The following BET1 variants were observed in gnomAD, a reference collection of about 807,000 sequenced individuals.
BET1 encodes Bet1 golgi vesicular membrane trafficking protein, also known as BET1 homolog.
In BET1, 9 loss-of-function variants were observed where a neutral mutation model predicts 13.9. The observed-to-expected ratio is 0.65, with a 90% CI of 0.39 to 1.13. The LOEUF is 1.13. Ranked by LOEUF, BET1 falls within the 50% of genes most tolerant of loss-of-function variation. BET1 has a pLI of 0.01. For missense variants in BET1, 127 were observed against 133.6 expected, an observed-to-expected ratio of 0.95 and a Z score of 0.24; for synonymous variants, 39 against 47.3, an observed-to-expected ratio of 0.82 and a Z score of 0.72.
chr7:93,998,699 C>CA lies in BET1; in HGVS notation c.144+470dup, dbSNP rs568287153. Among the ~76,000 whole-genome samples the CA allele has an allele frequency of 8.1e-3, 1,150 of 142,810 alleles. 15 individuals carry two copies. The highest frequency in any genetic ancestry group is 0.027 in the African/African-American group (1,028 of 38,676). The allele number at this position is 142,810 out of a possible 152,430, so 93.7% of individuals were successfully genotyped here. A position where few individuals can be genotyped will look rare whatever the true frequency, so the allele number is the denominator to read the frequency against. ...GGGCAACAAGAGCAAAACTCCATCT[C>CA]AAAAAAAAAGAAAAGAAAAGAAAAC... On this transcript the variant is annotated intron_variant, in intron 2 of 3. Coordinates refer to ENST00000222547, the MANE Select transcript of BET1 (RefSeq NM_005868.6).
At chr7:93,991,823 ATTAT>A, downstream of BET1, 4 of 962,076 alleles carry the variant, frequency 4.2e-6, no homozygotes, top group Non-Finnish European at 4.9e-6. Context: ...GAATGATGAC[ATTAT>A]TTATTATTTA....
intron 6 of BET1, among the ~76,000 whole-genome samples, chr7:93,971,422 T>G (rs1795256611): frequency 6.6e-6 from 1 of 151,772 alleles, no homozygotes; most frequent in African/African-American, 2.4e-5. Flanking sequence ...CCTTAAAATT[T>G]GAGGACAATT....
At chr7:93,992,905 G>GT, downstream of BET1, 1 of 985,348 alleles carries the variant, frequency 1.0e-6, no homozygotes, top group South Asian at 4.7e-5. Context: ...AGGCTTATCT[G>GT]TTTAAGTCCC....
At chr7:93,977,319 G>A (rs977260608) in intron 4 of BET1, among the ~76,000 whole-genome samples, 3 of 152,174 alleles carry the variant, frequency 2.0e-5, no homozygotes, top group Admixed American at 6.5e-5. Flanking sequence ...AGAATTAGCA[G>A]GGCATGGGGC....
At chr7:93,982,920 T>C (rs1357870763) in intron 4 of BET1, among the ~76,000 whole-genome samples, 1 of 152,134 alleles carries the variant, frequency 6.6e-6, no homozygotes, top group Non-Finnish European at 1.5e-5. Flanking sequence ...GTATGTACAT[T>C]TCTCATAATA....
At position 93,993,560 on chromosome 7, in the gene BET1, A is replaced by G. The variant is rs1795686590; in HGVS notation, c.*670T>C. 1 of 1,043,596 alleles carries G rather than the reference A, an allele frequency of 9.6e-7. No individual in the cohort carries two copies. The highest frequency in any genetic ancestry group is 4.5e-5 in the South Asian group (1 of 22,076). 64.6% of individuals were successfully genotyped at this position (1,043,596 alleles called of 1,614,324 possible). A position where few individuals can be genotyped will look rare whatever the true frequency, so the allele number is the denominator to read the frequency against. ...AACTATTATAAGCCAAGTCAAGAGAATTCATAAAGTTAATATGAAATAATA... is the reference window on the plus strand; with the variant it reads ...AACTATTATAAGCCAAGTCAAGAGAGTTCATAAAGTTAATATGAAATAATA... On this transcript the variant is annotated 3_prime_UTR_variant, in exon 4 of 4. Coordinates refer to ENST00000222547, the MANE Select transcript of BET1 (RefSeq NM_005868.6).
At chr7:93,992,187 G>C, downstream of BET1, 1 of 985,318 alleles carries the variant, frequency 1.0e-6, no homozygotes, top group Non-Finnish European at 1.2e-6. Context: ...ACTTTAAATA[G>C]TACTTAGAAA....
At chr7:93,989,917 G>C (rs1371262853), downstream of BET1, among the ~76,000 whole-genome samples, 1 of 152,136 alleles carries the variant, frequency 6.6e-6, no homozygotes, top group East Asian at 1.9e-4. Context: ...TCAGAAGTTT[G>C]TCTTTCAAGC....
chr7:93,970,877 T>C (rs1407633012), intron 6 of BET1, among the ~76,000 whole-genome samples: 1 of 151,794 alleles, frequency 6.6e-6, no homozygotes, highest in Non-Finnish European at 1.5e-5. Flanking sequence ...CTGGAAGATG[T>C]AGCTAGATGG....
At chr7:93,999,757 C>T in intron 1 of BET1, 1 of 453,368 alleles carries the variant, frequency 2.2e-6, no homozygotes, top group Non-Finnish European at 4.4e-6. Context: ...ATCTCTTTCT[C>T]TTAAATAGAC....
At chr7:93,996,465 T>C (rs1015811087) in intron 2 of BET1, 144 bp from the exon 3 acceptor site, 1 of 548,774 alleles carries the variant, frequency 1.8e-6, no homozygotes, top group South Asian at 3.4e-5. Flanking sequence ...CTGATACTTT[T>C]TCTACCAAGA....
intron 4 of BET1, among the ~76,000 whole-genome samples, chr7:93,982,213 AATATAGAT>A: frequency 6.6e-6 from 1 of 152,274 alleles, no homozygotes; most frequent in East Asian, 1.9e-4. Flanking sequence ...CACTGCTTGA[AATATAGAT>A]ATATAGATCA....
intron 4 of BET1, among the ~76,000 whole-genome samples, chr7:93,984,170 A>C (rs965332558): frequency 6.6e-6 from 1 of 152,066 alleles, no homozygotes; most frequent in Admixed American, 6.6e-5. Context: ...GCTTGTAGGC[A>C]TATTGCTCAA....
chr7:93,999,036 A>C (rs535421335), intron 2 of BET1, 134 bp downstream of exon 2: 2 of 599,588 alleles, frequency 3.3e-6, no homozygotes, highest in African/African-American at 3.9e-5. Flanking sequence ...TTTTGAGTGT[A>C]CTTTGACCTC....
chr7:93,965,463 TTTAA>T (rs1198797282), exon 7 of BET1: 3 of 152,096 alleles, frequency 2.0e-5, no homozygotes, highest in African/African-American at 4.8e-5. Flanking sequence ...TCTATACAAT[TTTAA>T]TTAATCTATT....
intron 4 of BET1, among the ~76,000 whole-genome samples, chr7:93,977,482 A>T (rs1174140422): frequency 2.6e-5 from 4 of 152,168 alleles, no homozygotes; most frequent in African/African-American, 7.2e-5. Flanking sequence ...GAGAAAAAAT[A>T]AAAAATTGGT....
Position 93,999,261 on chromosome 7 carries a change from T to C in BET1, c.53A>G (p.Tyr18Cys), listed in dbSNP as rs781321258. Reference protein sequence around the residue: ...EGVPPGNYGNYGYANSGYSAC... With the variant: ...EGVPPGNYGNCGYANSGYSAC... ...ACTATACCCACTATTAGCATAGCCA[T>C]AGTTCCCATAGTTGCCAGGAGGTAC... The change falls in exon 2 of 4, where the codon TAT (tyrosine) becomes TGT (cysteine). Residue 18 changes from tyrosine (Y) to cysteine (C), a missense_variant. Coordinates refer to ENST00000222547, the MANE Select transcript of BET1 (RefSeq NM_005868.6). The C allele has an allele frequency of 5.0e-6, 8 of 1,612,622 alleles. No individual in the cohort carries two copies. The highest frequency in any genetic ancestry group is 6.8e-6 in the Non-Finnish European group (8 of 1,179,312).
intron 4 of BET1, among the ~76,000 whole-genome samples, chr7:93,988,097 A>T (rs902558934): frequency 1.3e-5 from 2 of 152,204 alleles, no homozygotes; most frequent in Non-Finnish European, 2.9e-5. Flanking sequence ...GTGAGAGGTG[A>T]TTAAAAAGAT....
chr7:93,992,553 C>T (rs2116106787), downstream of BET1: 1 of 985,340 alleles, frequency 1.0e-6, no homozygotes, highest in South Asian at 4.7e-5. Context: ...ACACAAAGTA[C>T]AGTTAAAAAC....
Sources: gnomAD v4.1 joint callset for allele counts (sites outside exome capture counted in the v4.1 genomes callset) on GRCh38, gnomAD v4.1.1 for gene constraint, MANE v1.5 for transcripts, NCBI Gene and HGNC (gene_info 2026-07-23, HGNC 2026-07-21) for gene names.